The following L3MBTL4 variants were observed in gnomAD, a reference collection of about 807,000 sequenced individuals.
The protein encoded by L3MBTL4 is lethal(3)malignant brain tumor-like protein 4.
In L3MBTL4, 70 loss-of-function variants were observed where a neutral mutation model predicts 84.5. That is an observed-to-expected ratio of 0.83 (90% CI 0.68 to 1.01). The LOEUF (loss-of-function observed/expected upper bound fraction) is 1.01. Ranked by LOEUF, L3MBTL4 falls within the 50% of genes least tolerant of loss-of-function variation. The pLI is 0.00. For missense variants in L3MBTL4, 715 were observed against 754.8 expected (o/e 0.95, Z 0.62); for synonymous variants, 274 against 259.8 (o/e 1.05, Z -0.52).
At chr18:6,184,520 A>G (rs1343023625) in intron 12 of L3MBTL4, among the ~76,000 whole-genome samples, 1 of 152,200 alleles carries the variant, frequency 6.6e-6, no homozygotes, top group East Asian at 1.9e-4. Context: ...TCTTTTACAG[A>G]CTTATCTATC....
chr18:6,221,891 C>T (rs1242636528), intron 10 of L3MBTL4, among the ~76,000 whole-genome samples: 1 of 152,208 alleles, frequency 6.6e-6, no homozygotes, highest in African/African-American at 2.4e-5. Flanking sequence ...TGAAAGCTGT[C>T]ATTCTGCTAG....
chr18:6,085,930 A>G (rs2058244755), intron 15 of L3MBTL4, among the ~76,000 whole-genome samples: 1 of 152,198 alleles, frequency 6.6e-6, no homozygotes, highest in Admixed American at 6.5e-5. Flanking sequence ...GAAATTCTTA[A>G]TTTCTTAAAA....
chr18:6,033,195 C>T (rs796569158), intron 16 of L3MBTL4, among the ~76,000 whole-genome samples: 4 of 152,110 alleles, frequency 2.6e-5, no homozygotes, highest in African/African-American at 9.6e-5. Context: ...ATTGTTATAT[C>T]CTTTTGTGGT....
chr18:6,202,549 G>C (rs1459307533), intron 12 of L3MBTL4, among the ~76,000 whole-genome samples: 2 of 152,138 alleles, frequency 1.3e-5, no homozygotes, highest in Non-Finnish European at 2.9e-5. Context: ...GAGATATGCT[G>C]CTGGCTTTTA....
Position 6,414,400 on chromosome 18 carries a change from G to A in L3MBTL4, c.-91+401C>T, listed in dbSNP as rs560819910. On this transcript the variant is annotated intron_variant, in intron 1 of 18. Coordinates refer to ENST00000317931, the MANE Select transcript of L3MBTL4 (RefSeq NM_001330559.2). The surrounding 1 kb of genome is among the most constrained non-coding windows in gnomAD (Gnocchi z 5.4). The stretch of plus-strand genomic sequence containing the variant: ...GCTCGATGGCCGGAGGACTGCCTGG[G>A]GGCCCTCAGGAGTCCCGTCCCGTCC... 3.6e-3 allele frequency among the ~76,000 whole-genome samples: 546 copies of A among 152,236 alleles called. 3 individuals are homozygous for A. Among genetic ancestry groups the A allele is most frequent in the South Asian group, 0.012 (56 of 4,826 alleles).
intron 12 of L3MBTL4, among the ~76,000 whole-genome samples, chr18:6,208,071 T>C (rs1397869539): frequency 1.3e-5 from 2 of 151,844 alleles, no homozygotes; most frequent in African/African-American, 4.8e-5. Context: ...GCCATGATTG[T>C]GCCACTGCAC....
At chr18:6,392,321 G>A (rs1266587796) in intron 1 of L3MBTL4, among the ~76,000 whole-genome samples, 1 of 152,194 alleles carries the variant, frequency 6.6e-6, no homozygotes, top group Non-Finnish European at 1.5e-5. Flanking sequence ...GGCCAAGGTG[G>A]GTGGATCACT....
intron 4 of L3MBTL4, among the ~76,000 whole-genome samples, chr18:6,273,889 T>C (rs2048975145): frequency 6.6e-6 from 1 of 152,104 alleles, no homozygotes; most frequent in Non-Finnish European, 1.5e-5. Flanking sequence ...GACTCAACAG[T>C]TTATTCATCC....
chr18:6,161,341 C>T (rs769679500), intron 13 of L3MBTL4, among the ~76,000 whole-genome samples: 2 of 152,158 alleles, frequency 1.3e-5, no homozygotes, highest in African/African-American at 2.4e-5. Context: ...AAATTGGACT[C>T]TTTTCAGTTG....
chr18:6,097,541 A>G (rs562438784), intron 14 of L3MBTL4, among the ~76,000 whole-genome samples: 8 of 152,234 alleles, frequency 5.3e-5, no homozygotes, highest in Non-Finnish European at 8.8e-5. Context: ...CGGCAGGGGT[A>G]CCTGATTCCA....
At chr18:5,960,588 C>T (rs1307508854) in intron 17 of L3MBTL4, 5 of 152,692 alleles carry the variant, frequency 3.3e-5, no homozygotes, top group African/African-American at 1.2e-4. Flanking sequence ...CTGCTCATCT[C>T]TGTGGCCCAG....
At chr18:6,033,722 C>A (rs1226493587) in intron 16 of L3MBTL4, among the ~76,000 whole-genome samples, 1 of 152,106 alleles carries the variant, frequency 6.6e-6, no homozygotes, top group Non-Finnish European at 1.5e-5. Context: ...TATTCTATAG[C>A]TGTTTTCTTT....
chr18:5,968,064 C>T (rs1393948147), intron 17 of L3MBTL4, among the ~76,000 whole-genome samples: 3 of 152,250 alleles, frequency 2.0e-5, no homozygotes, highest in East Asian at 3.9e-4. Flanking sequence ...AGGAGACACA[C>T]TCAGTGTCTC....
intron 16 of L3MBTL4, among the ~76,000 whole-genome samples, chr18:6,064,508 CAT>C (rs1217221028): frequency 2.0e-5 from 3 of 151,600 alleles, no homozygotes; most frequent in Admixed American, 6.6e-5. Flanking sequence ...TGTGTTTCCA[CAT>C]GTTTGTGCCA....
intron 1 of L3MBTL4, chr18:6,395,171 T>A (rs1433967404): frequency 6.6e-6 from 1 of 152,200 alleles, no homozygotes; most frequent in African/African-American, 2.4e-5. Flanking sequence ...CACATGAGCC[T>A]GGGCAACAAA....
At position 6,413,825 on chromosome 18, in the gene L3MBTL4, G is replaced by T. The variant is rs1048686457; in HGVS notation, c.-91+976C>A. The stretch of plus-strand genomic sequence containing the variant: ...CAGTCTCAACAGTAACAATGACCAG[G>T]CCTTCCCTTTATTTAGTTCCACCTC... On this transcript the variant is annotated intron_variant, in intron 1 of 18. Coordinates refer to ENST00000317931, the MANE Select transcript of L3MBTL4 (RefSeq NM_001330559.2). 2.0e-5 allele frequency: 3 copies of T among 152,378 alleles called. No homozygotes were observed. In the East Asian group the frequency reaches 5.8e-4, roughly 29 times the overall value. The allele number at this position is 152,378 out of a possible 1,614,324, so 9.4% of individuals were successfully genotyped here. A position where few individuals can be genotyped will look rare whatever the true frequency, so the allele number is the denominator to read the frequency against.
chr18:6,028,603 T>C (rs1465964316), intron 16 of L3MBTL4, among the ~76,000 whole-genome samples: 2 of 152,222 alleles, frequency 1.3e-5, no homozygotes, highest in African/African-American at 4.8e-5. Flanking sequence ...GGGAATAGCA[T>C]TGAATCCATA....
rs192407684 is a variant in L3MBTL4 at position 6,014,282 on chromosome 18, C to A, written c.1445-44720G>T. ...AAATTTCACCTACCACTGATGAATT[C>A]TCTATAATGTGGGCCTTCTTCTTTG... On this transcript the variant is annotated intron_variant, in intron 16 of 18. Transcript: ENST00000317931. Among the ~76,000 whole-genome samples, 108 of 152,278 alleles carry A rather than the reference C, an allele frequency of 7.1e-4. 1 individual carries two copies. Among genetic ancestry groups the A allele is most frequent in the South Asian group, 1.7e-3 (8 of 4,822 alleles).
At chr18:6,130,975 T>C (rs1222992277) in intron 14 of L3MBTL4, among the ~76,000 whole-genome samples, 4 of 152,188 alleles carry the variant, frequency 2.6e-5, no homozygotes, top group Admixed American at 2.6e-4. Context: ...TAACAAAAAC[T>C]AAAATAAACT....
Sources: allele counts gnomAD v4.1 joint callset (sites outside exome capture counted in the v4.1 genomes callset), GRCh38; gene constraint gnomAD v4.1.1; non-coding constraint Gnocchi (gnomAD v3.1); transcripts MANE v1.5; gene names NCBI Gene and HGNC (gene_info 2026-07-23, HGNC 2026-07-21).